TCERG1L: variants seen among roughly 807,000 people sequenced by gnomAD.
TCERG1L encodes the protein transcription elongation regulator 1 like.
A neutral mutation model predicts 56.3 loss-of-function variants in TCERG1L; 37 were observed. The observed-to-expected ratio is 0.66, with a 90% confidence interval of 0.51 to 0.87. TCERG1L has a LOEUF of 0.87. TCERG1L is among the 40% of genes least tolerant of loss of function. The probability of loss-of-function intolerance (pLI) is 0.00; values close to 1 mark genes in which losing one functional copy is unlikely to be tolerated. For missense variants in TCERG1L, 799 were observed against 774.2 expected (o/e 1.03, Z -0.38); for synonymous variants, 324 against 326.3 (o/e 0.99, Z 0.08).
At chr10:131,138,085 A>G (rs1179600923) in intron 7 of TCERG1L, among the ~76,000 whole-genome samples, 1 of 152,218 alleles carries the variant, frequency 6.6e-6, no homozygotes, top group African/African-American at 2.4e-5. Context: ...CCTGGCCAAC[A>G]TGGTGAAACC....
intron 3 of TCERG1L, among the ~76,000 whole-genome samples, chr10:131,295,684 G>A (rs917834988): frequency 1.1e-4 from 17 of 152,256 alleles, no homozygotes; most frequent in African/African-American, 3.4e-4. Flanking sequence ...AGGACAATGC[G>A]CATATCCATC....
chr10:131,288,900 A>AGTC (rs1037936494), intron 3 of TCERG1L, among the ~76,000 whole-genome samples: 2 of 152,146 alleles, frequency 1.3e-5, no homozygotes, highest in African/African-American at 4.8e-5. Context: ...GGACTCAGAC[A>AGTC]TTTCCACCGT....
At position 131,093,319 on chromosome 10, in the gene TCERG1L, C is replaced by T; in HGVS notation, c.1605-1G>A. On this transcript the variant is annotated splice_acceptor_variant, in intron 11 of 11. Transcript: ENST00000368642. LOFTEE classifies it high-confidence loss of function. ...CTCTGCAAACTCCTTAAACGTGGTC[C>T]TGAAAAAGAAAGAGTTTCCTGAGAC... is the stretch of plus-strand genomic sequence containing the variant. 2 of 1,611,306 alleles carry T rather than the reference C, an allele frequency of 1.2e-6. No individual in the cohort carries two copies. Among genetic ancestry groups the T allele is most frequent in the Non-Finnish European group, 1.7e-6 (2 of 1,179,224 alleles).
chr10:131,257,049 G>GAAAGAAAGGA (rs1564827261), intron 4 of TCERG1L, among the ~76,000 whole-genome samples: 3 of 140,288 alleles, frequency 2.1e-5, no homozygotes, highest in African/African-American at 8.0e-5. Flanking sequence ...AAGAAAGAAA[G>GAAAGAAAGGA]AAAGAAAAGA....
chr10:131,137,538 C>T (rs561249451), intron 7 of TCERG1L, among the ~76,000 whole-genome samples: 1 of 152,338 alleles, frequency 6.6e-6, no homozygotes, highest in South Asian at 2.1e-4. Context: ...AGCATTCCAG[C>T]TCTGCCTGGA....
intron 8 of TCERG1L, among the ~76,000 whole-genome samples, chr10:131,126,576 C>T (rs1389060539): frequency 6.6e-6 from 1 of 151,926 alleles, no homozygotes; most frequent in African/African-American, 2.4e-5. Context: ...GCCTGAGCTC[C>T]TGCTTTGCGA....
intron 4 of TCERG1L, among the ~76,000 whole-genome samples, chr10:131,209,162 A>G (rs1845587627): frequency 6.6e-6 from 1 of 152,146 alleles, no homozygotes; most frequent in African/African-American, 2.4e-5. Flanking sequence ...GTGCGTAGGG[A>G]ACATCAGTGA....
chr10:131,161,104 T>G (rs11598067), intron 6 of TCERG1L: 1 of 152,086 alleles, frequency 6.6e-6, no homozygotes, highest in African/African-American at 2.4e-5. Context: ...AGAGTGACAT[T>G]TCTCTCAACC....
intron 4 of TCERG1L, among the ~76,000 whole-genome samples, chr10:131,194,413 T>C (rs1307887988): frequency 6.6e-6 from 1 of 152,214 alleles, no homozygotes; most frequent in Non-Finnish European, 1.5e-5. Context: ...CTAGTCCTTT[T>C]GGACTGTGGG....
At chr10:131,123,161 C>T (rs113988044) in intron 8 of TCERG1L, among the ~76,000 whole-genome samples, 4,968 of 152,286 alleles carry the variant, frequency 0.033, 255 homozygotes, top group African/African-American at 0.11. Context: ...ATGTCTGCAG[C>T]GGGCCCTGCT....
intron 3 of TCERG1L, among the ~76,000 whole-genome samples, chr10:131,285,160 T>G (rs947227943): frequency 6.6e-6 from 1 of 151,944 alleles, no homozygotes; most frequent in Non-Finnish European, 1.5e-5. Flanking sequence ...GGTGGATCAC[T>G]TGAAGTTAGG....
rs1435544019 is a variant in TCERG1L, at chr10:131,166,720, C to T, written c.945+77G>A. The T allele has an allele frequency of 1.5e-5, 21 of 1,401,690 alleles. No individual in the cohort carries two copies. In the African/African-American group the frequency reaches 1.7e-4, roughly 11 times the overall value. The allele number at this position is 1,401,690 out of a possible 1,614,324, so 86.8% of individuals were successfully genotyped here. A position where few individuals can be genotyped will look rare whatever the true frequency, so the allele number is the denominator to read the frequency against. On this transcript the variant is annotated intron_variant, in intron 5 of 11. Transcript: ENST00000368642. ...TCACAAACACCATACAGCAAACAAG[C>T]GTGAGGGTGTCCTGGCCCTGGTCCT...
chr10:131,271,184 CCAGCAG>C (rs1445141184), intron 3 of TCERG1L, among the ~76,000 whole-genome samples: 1 of 152,114 alleles, frequency 6.6e-6, no homozygotes, highest in African/African-American at 2.4e-5. Context: ...TGGCACCCAA[CCAGCAG>C]CTGGATTTGG....
In TCERG1L at chr10:131,311,147, T is replaced by C. The variant is rs1846888070; in HGVS notation, c.342+147A>G. On this transcript the variant is annotated intron_variant, in intron 1 of 11. Coordinates refer to ENST00000368642, the MANE Select transcript of TCERG1L (RefSeq NM_174937.4). This position sits in a 1 kb window ranked among gnomAD's most constrained non-coding sequence, Gnocchi z 4.0. Reference sequence around the variant, plus strand: ...ACGAACTTTCTCGCCGAGGCACGGCTGCCGGGCTCCGTCCTGAGGGTTTGG... The same window carrying C: ...ACGAACTTTCTCGCCGAGGCACGGCCGCCGGGCTCCGTCCTGAGGGTTTGG... 1.7e-6 allele frequency: 1 copy of C among 590,588 alleles called. No homozygotes were observed. The highest frequency in any genetic ancestry group is 2.4e-6 in the Non-Finnish European group (1 of 423,164). The allele number at this position is 590,588 out of a possible 1,614,324, so 36.6% of individuals were successfully genotyped here.
chr10:131,234,524 A>C (rs931118417), intron 4 of TCERG1L, among the ~76,000 whole-genome samples: 1 of 152,220 alleles, frequency 6.6e-6, no homozygotes, highest in Non-Finnish European at 1.5e-5. Context: ...GGATAGCTCA[A>C]GGGGTCATGA....
intron 4 of TCERG1L, among the ~76,000 whole-genome samples, chr10:131,256,899 GAGAA>G (rs1334760373): frequency 7.0e-6 from 1 of 143,814 alleles, no homozygotes; most frequent in African/African-American, 2.6e-5. Flanking sequence ...AAAAGAAAGA[GAGAA>G]AGACAAAGAA....
Position 131,116,754 on chromosome 10 carries a change from C to T in TCERG1L, c.1395+45G>A, listed in dbSNP as rs1589778987. The T allele has an allele frequency of 5.2e-6, 8 of 1,542,136 alleles. No individual in the cohort carries two copies. The East Asian group carries it at 2.0e-4, about 38-fold the overall frequency. On this transcript the variant is annotated intron_variant, in intron 9 of 11. Coordinates refer to ENST00000368642, the MANE Select transcript of TCERG1L (RefSeq NM_174937.4). Reference sequence around the variant, plus strand: ...GGACGGCCACTCAGCTGCTGTTCCCCCGGGTCTGCCGTAGGAGTGCAGCCC... The same window carrying T: ...GGACGGCCACTCAGCTGCTGTTCCCTCGGGTCTGCCGTAGGAGTGCAGCCC...
chr10:131,150,823 T>C (rs1271132933), intron 6 of TCERG1L, among the ~76,000 whole-genome samples: 1 of 152,140 alleles, frequency 6.6e-6, no homozygotes, highest in African/African-American at 2.4e-5. Flanking sequence ...GGGTAATTTA[T>C]AAAGAAAAGA....
chr10:131,112,342 C>T (rs902176350), intron 9 of TCERG1L, among the ~76,000 whole-genome samples: 1 of 142,774 alleles, frequency 7.0e-6, no homozygotes, highest in Non-Finnish European at 1.6e-5. Flanking sequence ...CCTCCTGGGC[C>T]CAGATGCCCC....
Sources: allele counts gnomAD v4.1 joint callset (sites outside exome capture counted in the v4.1 genomes callset), GRCh38; gene constraint gnomAD v4.1.1; non-coding constraint Gnocchi (gnomAD v3.1); transcripts MANE v1.5; gene names NCBI Gene and HGNC (gene_info 2026-07-23, HGNC 2026-07-21).